The following RYR3 variants were observed in gnomAD, a reference collection of about 807,000 sequenced individuals.
RYR3 encodes the protein ryanodine receptor 3.
A neutral mutation model predicts 584.3 loss-of-function variants in RYR3; 207 were observed. That is an observed-to-expected ratio of 0.35 (90% CI 0.32 to 0.40). The LOEUF is 0.40. Among genes scored for constraint, RYR3 ranks in the 10% least tolerant of loss-of-function variants. RYR3 has a pLI of 1.00. For synonymous variants in RYR3, 2,416 were observed against 2,248.5 expected (o/e 1.07, Z -2.11); for missense variants, 5,616 against 6,089.2 (o/e 0.92, Z 2.59).
Position 33,603,388 on chromosome 15 carries a change from G to C in RYR3, c.2164+24G>C, listed in dbSNP as rs777975332. The C allele has an allele frequency of 9.2e-6, 14 of 1,516,072 alleles. No individual in the cohort carries two copies. In the Admixed American group the frequency reaches 3.1e-4, roughly 34 times the overall value. The allele number at this position is 1,516,072 out of a possible 1,614,324, so 93.9% of individuals were successfully genotyped here. A position where few individuals can be genotyped will look rare whatever the true frequency, so the allele number is the denominator to read the frequency against. The stretch of plus-strand genomic sequence containing the variant: ...AGGTGAGTACCTTGCTAAAGCTTTG[G>C]CTCATAATCTCACTGGAAATGATGG... On this transcript the variant is annotated intron_variant, in intron 18 of 103. Transcript: ENST00000634891.
intron 6 of RYR3, among the ~76,000 whole-genome samples, 200 bp from the exon 7 acceptor site, chr15:33,540,591 G>A (rs1278030902): frequency 1.3e-5 from 2 of 152,150 alleles, no homozygotes; most frequent in Non-Finnish European, 2.9e-5. Context: ...CTCTGTAGCT[G>A]AATAATTCCT....
intron 41 of RYR3, 37 bp downstream of exon 41, chr15:33,699,870 C>T (rs1307681063): frequency 3.8e-6 from 6 of 1,597,448 alleles, no homozygotes; most frequent in East Asian, 2.3e-5. Context: ...CATCCAAACT[C>T]GAAGGTTACA....
At chr15:33,611,017 A>AACT (rs2060156890) in intron 18 of RYR3, among the ~76,000 whole-genome samples, 1 of 152,228 alleles carries the variant, frequency 6.6e-6, no homozygotes, top group Admixed American at 6.5e-5. Context: ...ACTAGCAGTA[A>AACT]GCACAGAAAA....
intron 26 of RYR3, 53 bp downstream of exon 26, chr15:33,635,872 C>G: frequency 6.7e-7 from 1 of 1,491,412 alleles, no homozygotes; most frequent in South Asian, 1.2e-5. Context: ...TTTCCTTCTC[C>G]AAACATTTTT....
chr15:33,738,612 C>G lies in RYR3; in HGVS notation c.7656+22C>G, dbSNP rs745502973. ...TAAGGTAATGACAGTACTTTCTGAACAAAAAGAGAGCATCTCAGTGCTCCA... is the reference window on the plus strand; with the variant it reads ...TAAGGTAATGACAGTACTTTCTGAAGAAAAAGAGAGCATCTCAGTGCTCCA... On this transcript the variant is annotated intron_variant, in intron 50 of 103. Coordinates refer to ENST00000634891, the MANE Select transcript of RYR3 (RefSeq NM_001036.6). The G allele has an allele frequency of 1.2e-5, 20 of 1,610,672 alleles. No homozygotes were observed. In the South Asian group the frequency reaches 1.7e-4, roughly 13 times the overall value.
intron 38 of RYR3, among the ~76,000 whole-genome samples, chr15:33,689,900 T>C (rs546866383): frequency 5.3e-5 from 8 of 152,366 alleles, no homozygotes; most frequent in African/African-American, 1.9e-4. Context: ...TGTCTTGAAA[T>C]AGTTTCTTGT....
intron 18 of RYR3, among the ~76,000 whole-genome samples, chr15:33,610,111 G>A (rs2060106047): frequency 6.6e-6 from 1 of 152,072 alleles, no homozygotes; most frequent in African/African-American, 2.4e-5. Flanking sequence ...TGCTGTGCAG[G>A]TGGTCCAAGC....
intron 2 of RYR3, among the ~76,000 whole-genome samples, chr15:33,496,892 C>T (rs1017091161): frequency 2.0e-5 from 3 of 151,958 alleles, no homozygotes; most frequent in East Asian, 1.9e-4. Context: ...TATAAAGTCT[C>T]GTGTACAGTA....
At chr15:33,555,861 T>A (rs1399305930) in intron 10 of RYR3, among the ~76,000 whole-genome samples, 1 of 152,184 alleles carries the variant, frequency 6.6e-6, no homozygotes, top group Non-Finnish European at 1.5e-5. Flanking sequence ...AGGAAGGCGT[T>A]CCTCCTCTTC....
intron 38 of RYR3, among the ~76,000 whole-genome samples, chr15:33,671,812 T>TC (rs1296496566): frequency 2.1e-5 from 2 of 95,582 alleles, no homozygotes; most frequent in South Asian, 7.6e-4. Context: ...TTTCTTTTTT[T>TC]TTTTTTTTTT....
intron 67 of RYR3, among the ~76,000 whole-genome samples, chr15:33,792,997 G>A (rs898895642): frequency 3.3e-5 from 5 of 152,200 alleles, no homozygotes; most frequent in Non-Finnish European, 7.3e-5. Context: ...AGCCACAAAT[G>A]AGTTGCCTAG....
At chr15:33,396,373 A>G (rs2042296051) in intron 1 of RYR3, among the ~76,000 whole-genome samples, 1 of 152,122 alleles carries the variant, frequency 6.6e-6, no homozygotes, top group South Asian at 2.1e-4. Flanking sequence ...CCTGTGCCCA[A>G]CAGTGACAAT....
Position 33,566,787 on chromosome 15 carries a change from G to T in RYR3, c.1256G>T (p.Ser419Ile). 3.7e-6 allele frequency: 6 copies of T among 1,613,680 alleles called. No homozygotes were observed. Among genetic ancestry groups the T allele is most frequent in the Non-Finnish European group, 5.1e-6 (6 of 1,179,672 alleles). The change falls in exon 12 of 104, where the codon AGC becomes ATC. Residue 419 changes from serine to isoleucine, a missense_variant. Ser to Ile is a moderately radical substitution (Grantham distance 142). Transcript: ENST00000634891. ...RIIRNTTALF[S>I]QFVSGNNRTA... The stretch of plus-strand genomic sequence containing the variant: ...ATCCGGAACACTACAGCCTTATTCA[G>T]CCAGTTTGTCAGGTATGTTAGCTCC...
At chr15:33,526,349 C>G (rs957465777) in intron 3 of RYR3, among the ~76,000 whole-genome samples, 3 of 152,218 alleles carry the variant, frequency 2.0e-5, no homozygotes, top group African/African-American at 7.2e-5. Flanking sequence ...GATCCACCCC[C>G]ATCCTGCGAG....
rs753645426 is a variant in RYR3 at position 33,787,485 on chromosome 15, C to T, written c.9590-733C>T. ...TTGTCAGTGGTTCACAACTCTCACTCACTCATTTTTTTCTTACAATTACTC... is the reference window on the plus strand; with the variant it reads ...TTGTCAGTGGTTCACAACTCTCACTTACTCATTTTTTTCTTACAATTACTC... On this transcript the variant is annotated intron_variant, in intron 66 of 103. Coordinates refer to ENST00000634891, the MANE Select transcript of RYR3 (RefSeq NM_001036.6). Among the ~76,000 whole-genome samples the T allele has an allele frequency of 1.1e-4, 16 of 151,864 alleles. 1 individual carries two copies. The highest frequency in any genetic ancestry group is 3.3e-4 in the Admixed American group (5 of 15,250).
At chr15:33,463,489 T>A (rs1466052492) in intron 1 of RYR3, among the ~76,000 whole-genome samples, 1 of 152,120 alleles carries the variant, frequency 6.6e-6, no homozygotes, top group Non-Finnish European at 1.5e-5. Context: ...GGGTAGCAAC[T>A]AGATCATTAT....
chr15:33,671,049 G>A (rs2063807560), intron 38 of RYR3, among the ~76,000 whole-genome samples: 1 of 152,112 alleles, frequency 6.6e-6, no homozygotes, highest in Non-Finnish European at 1.5e-5. Flanking sequence ...TGAAAATGTA[G>A]CATCCTAGAA....
chr15:33,477,222 CAG>C (rs1567324339), intron 2 of RYR3, among the ~76,000 whole-genome samples: 1 of 151,740 alleles, frequency 6.6e-6, no homozygotes, highest in African/African-American at 2.4e-5. Flanking sequence ...AGTTGAGACT[CAG>C]AGAAAATTGA....
At chr15:33,757,668 T>A in intron 60 of RYR3, 72 bp downstream of exon 60, 1 of 1,513,726 alleles carries the variant, frequency 6.6e-7, no homozygotes, top group Non-Finnish European at 9.0e-7. Context: ...CCCTGTGGAC[T>A]AAAAGGCGAG....
Sources: gnomAD v4.1 joint callset for allele counts (sites outside exome capture counted in the v4.1 genomes callset) on GRCh38, gnomAD v4.1.1 for gene constraint, MANE v1.5 for transcripts, NCBI Gene and HGNC (gene_info 2026-07-23, HGNC 2026-07-21) for gene names.